Variants in ASPM observed in about 807,000 individuals in gnomAD.
The protein encoded by ASPM is abnormal spindle-like microcephaly-associated protein.
In ASPM, 256 loss-of-function variants were observed where a neutral mutation model predicts 366.4. That is an observed-to-expected ratio of 0.70 (90% CI 0.63 to 0.77). The LOEUF (loss-of-function observed/expected upper bound fraction) is 0.77, where lower values mean the gene tolerates loss of function less well. ASPM is among the 30% of genes least tolerant of loss of function. The pLI, the probability that ASPM is intolerant of heterozygous loss-of-function variation, is 0.00. For synonymous variants in ASPM, 1,414 were observed against 1,342.9 expected, an observed-to-expected ratio of 1.05 and a Z score of -1.16; for missense variants, 4,146 against 4,090.4, an observed-to-expected ratio of 1.01 and a Z score of -0.37.
At chr1:197,087,351 C>T (rs1656626862) in intron 26 of ASPM, among the ~76,000 whole-genome samples, 1 of 152,152 alleles carries the variant, frequency 6.6e-6, no homozygotes, top group Non-Finnish European at 1.5e-5. Flanking sequence ...GCTGGGATTA[C>T]AGGCGTGAGC....
chr1:197,138,868 C>T (rs1386235634), intron 4 of ASPM: 2 of 946,380 alleles, frequency 2.1e-6, no homozygotes, highest in Non-Finnish European at 3.4e-6. Flanking sequence ...TTTTTCTCTT[C>T]TTCGAGCTTC....
intron 16 of ASPM, among the ~76,000 whole-genome samples, chr1:197,120,349 G>T (rs888503544): frequency 3.3e-5 from 5 of 152,082 alleles, no homozygotes. Context: ...AGGCAATGGG[G>T]TGAAATCCTG....
At position 197,104,122 on chromosome 1, in the gene ASPM, T is replaced by C. The variant is rs1448167825; in HGVS notation, c.5129A>G (p.Gln1710Arg). The change falls in exon 18 of 28, where the codon CAA (glutamine) becomes CGA (arginine). Residue 1710 changes from glutamine to arginine, a missense_variant. This residue lies in a region of ASPM where 3,624 missense variants were observed against 3,591.7 expected (regional missense o/e 1.01). Transcript: ENST00000367409. ...AGCTATTTTTTTGGAACGGTAACAT[T>C]GCTGGATAAATAGTGCAGCTGCTCT... Reference protein sequence around the residue: ...HLRAAALFIQQCYRSKKIAAQ... With the variant: ...HLRAAALFIQRCYRSKKIAAQ... 2 of 1,613,018 alleles carry C rather than the reference T, an allele frequency of 1.2e-6. No individual in the cohort carries two copies. Among genetic ancestry groups the C allele is most frequent in the Non-Finnish European group, 1.7e-6 (2 of 1,179,416 alleles).
intron 17 of ASPM, 94 bp from the exon 18 acceptor site, chr1:197,105,279 A>C (rs1557948583): frequency 1.0e-6 from 1 of 956,510 alleles, no homozygotes; most frequent in Non-Finnish European, 1.6e-6. Context: ...ATTCTGCTTA[A>C]AAATAAACAC....
chr1:197,139,713 A>T, intron 4 of ASPM, 54 bp downstream of exon 4: 1 of 1,307,664 alleles, frequency 7.6e-7, no homozygotes, highest in Non-Finnish European at 1.1e-6. Flanking sequence ...AAATGCAATT[A>T]ATGCTTCATT....
rs764989446 is a variant in ASPM, at chr1:197,103,422, C to T, written c.5829G>A (p.Glu1943=). 1.9e-6 allele frequency: 3 copies of T among 1,613,228 alleles called. No homozygotes were observed. The highest frequency in any genetic ancestry group is 3.3e-5 in the Admixed American group (2 of 59,880). ...AWTAGRKQCM[E]YIELRHAVLV... ...GTACCGCATGACGGAGTTCAATATACTCCATACATTGCTTCCTTCCTGCAG... is the reference window on the plus strand; with the variant it reads ...GTACCGCATGACGGAGTTCAATATATTCCATACATTGCTTCCTTCCTGCAG... The change falls in exon 18 of 28, where the codon GAG becomes GAA. Residue 1943 remains glutamate, a synonymous_variant. Transcript: ENST00000367409.
rs758783903 is a variant in ASPM at position 197,093,117 on chromosome 1, T to C, written c.9229A>G (p.Ile3077Val). Residue 3077 changes from isoleucine (I) to valine (V), a missense_variant, in exon 21 of 28, where the codon ATT (isoleucine) becomes GTT (valine). By Grantham distance (29) the Ile-to-Val change is conservative. This residue lies in a region of ASPM where 3,624 missense variants were observed against 3,591.7 expected (regional missense o/e 1.01). Transcript: ENST00000367409. The stretch of plus-strand genomic sequence containing the variant: ...ATAACTGTAGATTTTTTAAATTCAA[T>C]ATATTTTATCCTTTCATGCTTTCCA... ...EAGKHERIKY[I>V]EFKKSTVILQ... 7 of 1,612,260 alleles carry C rather than the reference T, an allele frequency of 4.3e-6. No individual in the cohort carries two copies. In the Admixed American group the frequency reaches 1.2e-4, roughly 27 times the overall value.
Position 197,084,417 on chromosome 1 carries a change from T to A in ASPM, c.10341A>T (p.Pro3447=). 1 of 1,601,872 alleles carries A rather than the reference T, an allele frequency of 6.2e-7. No individual in the cohort carries two copies. The highest frequency in any genetic ancestry group is 8.5e-7 in the Non-Finnish European group (1 of 1,171,954). The change falls in exon 28 of 28, where the codon CCA becomes CCT. Residue 3447 remains proline, a synonymous_variant. Coordinates refer to ENST00000367409, the MANE Select transcript of ASPM (RefSeq NM_018136.5). ...VRTRIVSRLK[P]DWVLRRDNME... is the part of the protein sequence containing the mutation. Reference sequence around the variant, plus strand: ...TGTTATCTCTTCTCAAAACCCAATCTGGCTTAAGTCTGTTAAAAAAAAAAA... The same window carrying A: ...TGTTATCTCTTCTCAAAACCCAATCAGGCTTAAGTCTGTTAAAAAAAAAAA...
intron 18 of ASPM, among the ~76,000 whole-genome samples, chr1:197,099,781 C>T (rs1376557824): frequency 1.8e-4 from 27 of 151,692 alleles, no homozygotes; most frequent in Non-Finnish European, 1.5e-5. Context: ...GGGTTAAAGC[C>T]TGGGTTATTG....
Position 197,100,512 on chromosome 1 carries a change from A to C in ASPM, c.8739T>G (p.Val2913=). The change falls in exon 18 of 28, where the codon GTT becomes GTG. Residue 2913 remains valine, a synonymous_variant. Transcript: ENST00000367409. ...CTTTACTTCTAGCTTGAATAATGAT[A>C]ACACTGCTTCTGATCTGTAAATAGA... ...RQVYLQIRSS[V]IIIQARSKGF... is the part of the protein sequence containing the mutation. 3 of 1,610,676 alleles carry C rather than the reference A, an allele frequency of 1.9e-6. No homozygotes were observed. Among genetic ancestry groups the C allele is most frequent in the African/African-American group, 2.7e-5 (2 of 74,830 alleles).
chr1:197,090,831 C>T lies in ASPM; in HGVS notation c.9636+19G>A. The T allele has an allele frequency of 6.2e-7, 1 of 1,603,022 alleles. No homozygotes were observed. The highest frequency in any genetic ancestry group is 1.1e-5 in the South Asian group (1 of 90,840). On this transcript the variant is annotated intron_variant, in intron 23 of 27. Transcript: ENST00000367409. ...TGCAAACTAAAGTTTTGAACTAAAA[C>T]TATACAAGTTTCAATTACCTGAATT...
At chr1:197,120,647 G>C (rs929891768) in intron 16 of ASPM, among the ~76,000 whole-genome samples, 10 of 152,060 alleles carry the variant, frequency 6.6e-5, no homozygotes, top group African/African-American at 2.4e-4. Flanking sequence ...ATATACAATG[G>C]GTGAATCAAA....
Position 197,090,259 on chromosome 1 carries a change from C to T in ASPM, c.9766G>A (p.Ala3256Thr), listed in dbSNP as rs748382412. The change falls in exon 24 of 28, where the codon GCA becomes ACA. Residue 3256 changes from alanine (A) to threonine (T), a missense_variant. Physicochemically the swap from Ala to Thr is moderately conservative, Grantham distance 58. This residue lies in a region of ASPM where 3,624 missense variants were observed against 3,591.7 expected (regional missense o/e 1.01). Coordinates refer to ENST00000367409, the MANE Select transcript of ASPM (RefSeq NM_018136.5). ...TTATATGTCAAAAGGTAATGAAGTG[C>T]AAGTGCAGTTCTTTTGTAGAGTTTG... ...ENKLYKRTAL[A>T]LHYLLTYKHL... 16 of 1,613,472 alleles carry T rather than the reference C, an allele frequency of 9.9e-6. No homozygotes were observed. The highest frequency in any genetic ancestry group is 1.3e-5 in the Non-Finnish European group (15 of 1,179,674).
chr1:197,135,365 C>T, intron 4 of ASPM, 123 bp from the exon 5 acceptor site: 1 of 1,012,602 alleles, frequency 9.9e-7, no homozygotes, highest in South Asian at 1.4e-5. Context: ...TGCTTTTCTA[C>T]TACTTGCAGG....
In ASPM at chr1:197,101,407, A is replaced by T; in HGVS notation, c.7844T>A (p.Met2615Lys). The change falls in exon 18 of 28, where the codon ATG (methionine) becomes AAG (lysine). Residue 2615 changes from methionine (M) to lysine (K), a missense_variant. By Grantham distance (95) the Met-to-Lys change is moderately conservative. Coordinates refer to ENST00000367409, the MANE Select transcript of ASPM (RefSeq NM_018136.5). The part of the protein sequence containing the change: ...ETCVQAGFQD[M>K]NIKKQIQEQH... ...TTCCTGAATCTGTTTTTTTATGTTC[A>T]TGTCCTGAAAACCTGCCTGAACACA... The T allele has an allele frequency of 6.2e-7, 1 of 1,608,416 alleles. No individual in the cohort carries two copies.
Position 197,101,948 on chromosome 1 carries a change from T to C in ASPM, c.7303A>G (p.Ile2435Val). 2 of 1,612,778 alleles carry C rather than the reference T, an allele frequency of 1.2e-6. No homozygotes were observed. The highest frequency in any genetic ancestry group is 8.5e-7 in the Non-Finnish European group (1 of 1,179,292). ...RRFISLKKAT[I>V]FVQRKYRATI... Reference sequence around the variant, plus strand: ...GCTCGATATTTCCTCTGAACAAAAATAGTAGCTTTTTTGAGGGAAATGAAT... The same window carrying C: ...GCTCGATATTTCCTCTGAACAAAAACAGTAGCTTTTTTGAGGGAAATGAAT... Residue 2435 changes from isoleucine (I) to valine (V), a missense_variant, in exon 18 of 28, where the codon ATT (isoleucine) becomes GTT (valine). Physicochemically the swap from Ile to Val is conservative, Grantham distance 29 (BLOSUM62 3). This residue lies in a region of ASPM where 3,624 missense variants were observed against 3,591.7 expected (regional missense o/e 1.01). Coordinates refer to ENST00000367409, the MANE Select transcript of ASPM (RefSeq NM_018136.5).
In ASPM at chr1:197,100,482, AAAT is replaced by A. The variant is rs1657116008; in HGVS notation, c.8766_8768del (p.Phe2923del). The A allele has an allele frequency of 1.9e-6, 3 of 1,600,544 alleles. No homozygotes were observed. The Admixed American group carries it at 5.1e-5, about 27-fold the overall frequency. Reference sequence around the variant, plus strand: ...TTTCCTGAAACTTCCGTTTCTGTATAAATCCTTTACTTCTAGCTTGAATAATGA... The same window carrying A: ...TTTCCTGAAACTTCCGTTTCTGTATACCTTTACTTCTAGCTTGAATAATGA... On this transcript the variant is annotated inframe_deletion, in exon 18 of 28. Coordinates refer to ENST00000367409, the MANE Select transcript of ASPM (RefSeq NM_018136.5).
Position 197,124,300 on chromosome 1 carries a change from T to A in ASPM, c.3200A>T (p.Lys1067Met). ...GTGTTTTAGAAAGGCAATTTCTTCC[T>A]TTAATTGATCTAAGTTAAGGGAAAT... ...VDISLNLDQLKEEIAFLKHTK... is the reference protein window; with the variant it reads ...VDISLNLDQLMEEIAFLKHTK... Residue 1067 changes from lysine to methionine, a missense_variant, in exon 13 of 28, where the codon AAG becomes ATG. By Grantham distance (95) the Lys-to-Met change is moderately conservative. Around this residue, in one of 3 missense-constraint regions of ASPM, gnomAD observed 3,624 missense variants for 3,591.7 expected, o/e 1.01. Coordinates refer to ENST00000367409, the MANE Select transcript of ASPM (RefSeq NM_018136.5). 3 of 1,590,160 alleles carry A rather than the reference T, an allele frequency of 1.9e-6. No homozygotes were observed. Among genetic ancestry groups the A allele is most frequent in the Non-Finnish European group, 2.6e-6 (3 of 1,159,926 alleles).
At chr1:197,112,851 C>T (rs951579930) in intron 17 of ASPM, among the ~76,000 whole-genome samples, 1 of 152,102 alleles carries the variant, frequency 6.6e-6, no homozygotes, top group African/African-American at 2.4e-5. Context: ...GTCAAGACTT[C>T]CTGATGCAGT....
Sources: allele counts gnomAD v4.1 joint callset (sites outside exome capture counted in the v4.1 genomes callset), GRCh38; gene constraint gnomAD v4.1.1; regional missense constraint gnomAD v4.1.1; transcripts MANE v1.5; gene names NCBI Gene and HGNC (gene_info 2026-07-23, HGNC 2026-07-21).